Variants in CSMD1 observed in about 807,000 individuals in gnomAD.
CSMD1 encodes CUB and Sushi multiple domains 1, also known as CUB and sushi domain-containing protein 1.
CSMD1 carries 213 observed loss-of-function variants against 417.5 expected under a neutral mutation model. That is an observed-to-expected ratio of 0.51 (90% CI 0.46 to 0.57). CSMD1 has a LOEUF of 0.57. Ranked by LOEUF, CSMD1 falls within the 20% of genes least tolerant of loss-of-function variation. The pLI is 0.00. For synonymous variants in CSMD1, 2,862 were observed against 1,736.8 expected, an observed-to-expected ratio of 1.65 and a Z score of -16.11; for missense variants, 6,923 against 4,529.7, an observed-to-expected ratio of 1.53 and a Z score of -15.17.
intron 12 of CSMD1, among the ~76,000 whole-genome samples, chr8:3,447,775 T>G (rs778897878): frequency 6.6e-6 from 1 of 152,170 alleles, no homozygotes; most frequent in Non-Finnish European, 1.5e-5. Flanking sequence ...TTCCTGGATG[T>G]GGCAGTGGAT....
chr8:4,791,854 C>T (rs1797708157), intron 1 of CSMD1, among the ~76,000 whole-genome samples: 1 of 151,214 alleles, frequency 6.6e-6, no homozygotes. Flanking sequence ...TACTTTTTTT[C>T]AAAAAAAAAT....
chr8:3,975,287 T>G (rs1813355714), intron 5 of CSMD1, among the ~76,000 whole-genome samples: 1 of 152,212 alleles, frequency 6.6e-6, no homozygotes, highest in East Asian at 1.9e-4. Flanking sequence ...GCTATTTTAT[T>G]TTATACCTTT....
At chr8:3,614,096 T>C (rs906437324) in intron 8 of CSMD1, among the ~76,000 whole-genome samples, 4 of 152,070 alleles carry the variant, frequency 2.6e-5, no homozygotes, top group African/African-American at 7.2e-5. Context: ...ACACACACCA[T>C]AGACGATACA....
chr8:4,008,227 CAAGTTT>C (rs962003145), intron 4 of CSMD1, among the ~76,000 whole-genome samples: 13 of 149,676 alleles, frequency 8.7e-5, no homozygotes, highest in Non-Finnish European at 1.5e-4. Context: ...CCATCAAGTT[CAAGTTT>C]AACTTAAAAA....
intron 2 of CSMD1, among the ~76,000 whole-genome samples, chr8:4,448,618 T>C (rs143645501): frequency 4.9e-4 from 75 of 152,354 alleles, no homozygotes; most frequent in African/African-American, 1.6e-3. Context: ...TTAATAAATG[T>C]AATGGTGGGA....
At chr8:3,380,947 T>C (rs994122469) in intron 18 of CSMD1, among the ~76,000 whole-genome samples, 21 of 151,980 alleles carry the variant, frequency 1.4e-4, no homozygotes, top group African/African-American at 3.9e-4. Context: ...AAGTTACCAA[T>C]GCTCAAAGAA....
chr8:4,683,971 T>A (rs1197301195), intron 1 of CSMD1, among the ~76,000 whole-genome samples: 1 of 152,198 alleles, frequency 6.6e-6, no homozygotes, highest in Non-Finnish European at 1.5e-5. Flanking sequence ...CACAGTGAAA[T>A]CTGAGAAAAT....
At chr8:4,233,428 C>G (rs537261352) in intron 3 of CSMD1, among the ~76,000 whole-genome samples, 1 of 152,144 alleles carries the variant, frequency 6.6e-6, no homozygotes, top group Non-Finnish European at 1.5e-5. Flanking sequence ...AAACCTGACC[C>G]CGAATGTGAT....
chr8:4,850,988 G>A (rs1282928338), intron 1 of CSMD1, among the ~76,000 whole-genome samples: 2 of 150,294 alleles, frequency 1.3e-5, no homozygotes, highest in Non-Finnish European at 3.0e-5. Context: ...TAGGGTACAT[G>A]TGCACAAAGT....
intron 3 of CSMD1, among the ~76,000 whole-genome samples, chr8:4,278,914 A>G (rs565633455): frequency 6.6e-6 from 1 of 152,350 alleles, no homozygotes; most frequent in African/African-American, 2.4e-5. Flanking sequence ...TCTGAAAGTA[A>G]CAAGCCTCAT....
chr8:3,404,440 C>T (rs535485050), intron 15 of CSMD1, among the ~76,000 whole-genome samples: 1 of 152,030 alleles, frequency 6.6e-6, no homozygotes, highest in Admixed American at 6.6e-5. Context: ...ATCATGCCCC[C>T]ACCATACTGT....
chr8:3,448,080 A>C (rs1815414387), intron 12 of CSMD1, among the ~76,000 whole-genome samples: 1 of 151,784 alleles, frequency 6.6e-6, no homozygotes. Context: ...ACAGAGATAT[A>C]ATCCTAAAAA....
chr8:3,290,009 T>C (rs185667111), intron 25 of CSMD1, among the ~76,000 whole-genome samples: 6,704 of 147,468 alleles, frequency 0.045, 343 homozygotes, highest in Non-Finnish European at 0.069. Flanking sequence ...TTGTGTAAGG[T>C]GTAAGGAAGG....
At chr8:4,232,864 G>T (rs931300163) in intron 3 of CSMD1, among the ~76,000 whole-genome samples, 7 of 152,190 alleles carry the variant, frequency 4.6e-5, no homozygotes, top group African/African-American at 1.2e-4. Context: ...TATTTTAGGG[G>T]CAACAATCTT....
chr8:3,509,203 G>C (rs191552059), intron 10 of CSMD1, among the ~76,000 whole-genome samples: 374 of 152,154 alleles, frequency 2.5e-3, no homozygotes, highest in African/African-American at 7.9e-3. Flanking sequence ...CGGAAATCTG[G>C]GCAATTAGAG....
chr8:4,587,944 G>T (rs983456133), intron 2 of CSMD1, among the ~76,000 whole-genome samples: 2 of 152,196 alleles, frequency 1.3e-5, no homozygotes, highest in Admixed American at 1.3e-4. Flanking sequence ...GAAGGAGATT[G>T]TGTGTAGACT....
intron 7 of CSMD1, among the ~76,000 whole-genome samples, chr8:3,693,518 T>C (rs1046144425): frequency 2.0e-5 from 3 of 152,186 alleles, no homozygotes; most frequent in African/African-American, 7.2e-5. Context: ...GAGATTCATT[T>C]ATCCATTATA....
chr8:3,047,425 A>C (rs62490534), intron 50 of CSMD1, among the ~76,000 whole-genome samples: 39,037 of 151,796 alleles, frequency 0.26, 5,749 homozygotes, highest in East Asian at 0.36. Context: ...AGGGCAGGAG[A>C]TATCACTTAC....
At chr8:3,991,765 A>C (rs1381210832) in intron 5 of CSMD1, among the ~76,000 whole-genome samples, 1 of 152,120 alleles carries the variant, frequency 6.6e-6, no homozygotes, top group Non-Finnish European at 1.5e-5. Flanking sequence ...AACTTTTTTA[A>C]AAGGAGGAGG....
Sources: gnomAD v4.1 joint callset for allele counts (sites outside exome capture counted in the v4.1 genomes callset) on GRCh38, gnomAD v4.1.1 for gene constraint, MANE v1.5 for transcripts, NCBI Gene and HGNC (gene_info 2026-07-23, HGNC 2026-07-21) for gene names.